Variants in AMOTL1 observed in about 807,000 individuals in gnomAD.
The protein encoded by AMOTL1 is angiomotin like 1, also known as angiomotin-like protein 1.
AMOTL1 carries 45 observed loss-of-function variants against 102.9 expected under a neutral mutation model. The observed-to-expected ratio is 0.44, with a 90% CI of 0.34 to 0.56. AMOTL1 has a LOEUF of 0.56. AMOTL1 is among the 20% of genes least tolerant of loss of function. The pLI is 0.01. For missense variants in AMOTL1, 1,114 were observed against 1,225.6 expected, an observed-to-expected ratio of 0.91 and a Z score of 1.36; for synonymous variants, 481 against 484.7, an observed-to-expected ratio of 0.99 and a Z score of 0.10.
intron 1 of AMOTL1, among the ~76,000 whole-genome samples, chr11:94,725,529 T>G (rs34167930): frequency 1.3e-5 from 2 of 152,086 alleles, no homozygotes; most frequent in Non-Finnish European, 2.9e-5. Context: ...TAAGATAGGA[T>G]CTTTACTCTC....
rs200435621 is a variant in AMOTL1 at position 94,854,089 on chromosome 11, A to T, written c.1944+7A>T. 1.6e-5 allele frequency: 24 copies of T among 1,538,080 alleles called. No individual in the cohort carries two copies. Among genetic ancestry groups the T allele is most frequent in the Non-Finnish European group, 1.9e-5 (22 of 1,138,838 alleles). On this transcript the variant is annotated splice_region_variant and intron_variant, in intron 8 of 12. Coordinates refer to ENST00000433060, the MANE Select transcript of AMOTL1 (RefSeq NM_130847.3). Reference sequence around the variant, plus strand: ...TGCACTGAGAACCCAGCAGGTAAGGAACTGGGCATGGACTGGTGAAAGAAT... The same window carrying T: ...TGCACTGAGAACCCAGCAGGTAAGGTACTGGGCATGGACTGGTGAAAGAAT...
At chr11:94,707,240 C>CTGTGTG (rs1334149987) in intron 1 of AMOTL1, among the ~76,000 whole-genome samples, 9 of 86,904 alleles carry the variant, frequency 1.0e-4, no homozygotes, top group Non-Finnish European at 2.0e-4. Context: ...CTCTCTCTCT[C>CTGTGTG]TCTCTCTCTC....
intron 8 of AMOTL1, among the ~76,000 whole-genome samples, chr11:94,857,853 TGTC>T (rs1300581315): frequency 6.6e-6 from 1 of 152,120 alleles, no homozygotes; most frequent in East Asian, 1.9e-4. Context: ...AGTCAATACT[TGTC>T]GTCTAGATGG....
chr11:94,789,454 C>G (rs116638409), intron 1 of AMOTL1, among the ~76,000 whole-genome samples: 1 of 152,198 alleles, frequency 6.6e-6, no homozygotes, highest in Non-Finnish European at 1.5e-5. Flanking sequence ...CCACCGTGCC[C>G]GGCACTGTTT....
chr11:94,854,117 G>A, intron 8 of AMOTL1, 35 bp downstream of exon 8: 1 of 1,494,186 alleles, frequency 6.7e-7, no homozygotes, highest in Non-Finnish European at 9.0e-7. Flanking sequence ...GAAAGAATTA[G>A]ATATGTTCAC....
chr11:94,831,386 T>A, intron 5 of AMOTL1, 66 bp from the exon 6 acceptor site: 1 of 1,342,176 alleles, frequency 7.5e-7, no homozygotes, highest in South Asian at 1.3e-5. Flanking sequence ...CATATTTCAT[T>A]TCTTGGTTAG....
At position 94,783,606 on chromosome 11, in the gene AMOTL1, C is replaced by T. The variant is rs76819326; in HGVS notation, c.50-11405C>T. ...AGAGGAGAAAGAAGTAGGTATAGCC[C>T]CAAGCACAGTTCTAGATCCTGTGTG... On this transcript the variant is annotated intron_variant, in intron 1 of 12. Transcript: ENST00000433060. Among the ~76,000 whole-genome samples, 688 of 152,254 alleles carry T rather than the reference C, an allele frequency of 4.5e-3. 5 individuals are homozygous for T. The highest frequency in any genetic ancestry group is 0.016 in the African/African-American group (666 of 41,544).
upstream of AMOTL1, among the ~76,000 whole-genome samples, chr11:94,765,110 G>A (rs1009780156): frequency 8.5e-5 from 13 of 152,136 alleles, no homozygotes; most frequent in East Asian, 1.9e-4. Flanking sequence ...GTGAAAGACT[G>A]CTCTCTGGGC....
At position 94,831,436 on chromosome 11, in the gene AMOTL1, T is replaced by C. The variant is rs971277744; in HGVS notation, c.1559-16T>C. 1.9e-6 allele frequency: 3 copies of C among 1,594,744 alleles called. No individual in the cohort carries two copies. Among genetic ancestry groups the C allele is most frequent in the East Asian group, 2.2e-5 (1 of 44,802 alleles). On this transcript the variant is annotated splice_polypyrimidine_tract_variant and intron_variant, in intron 5 of 12. Coordinates refer to ENST00000433060, the MANE Select transcript of AMOTL1 (RefSeq NM_130847.3). ...CCATATACATTTCTTTGTAATCATT[T>C]CCTCTTTGTTCATAGATCGACTAGA...
At position 94,871,074 on chromosome 11, in the gene AMOTL1, G is replaced by A. The variant is rs1347197809; in HGVS notation, c.*279G>A. ...GAAATAGGAAACTGAATTTTTCATT[G>A]TACAGAAAATGTATCTCTTGGGGAG... On this transcript the variant is annotated 3_prime_UTR_variant, in exon 13 of 13. Coordinates refer to ENST00000433060, the MANE Select transcript of AMOTL1 (RefSeq NM_130847.3). 3 of 291,530 alleles carry A rather than the reference G, an allele frequency of 1.0e-5. No individual in the cohort carries two copies. Among genetic ancestry groups the A allele is most frequent in the Admixed American group, 9.5e-5 (2 of 20,988 alleles). The allele number at this position is 291,530 out of a possible 1,614,324, so 18.1% of individuals were successfully genotyped here.
At chr11:94,729,355 G>T (rs531355886) in intron 2 of AMOTL1, among the ~76,000 whole-genome samples, 9 of 152,254 alleles carry the variant, frequency 5.9e-5, no homozygotes, top group Admixed American at 5.9e-4. Flanking sequence ...ATGAGCTCTT[G>T]CCCTGGCCAG....
Position 94,800,315 on chromosome 11 carries a change from A to G in AMOTL1, c.1121+4A>G. On this transcript the variant is annotated splice_donor_region_variant and intron_variant, in intron 3 of 12. Coordinates refer to ENST00000433060, the MANE Select transcript of AMOTL1 (RefSeq NM_130847.3). ...CCCCTGAGTATGGGGTAACGAGGTG[A>G]TTATCAACTGCAGACGTTTCGTGCG... 1.3e-6 allele frequency: 2 copies of G among 1,578,470 alleles called. No individual in the cohort carries two copies. Among genetic ancestry groups the G allele is most frequent in the Non-Finnish European group, 1.7e-6 (2 of 1,164,348 alleles).
intron 6 of AMOTL1, among the ~76,000 whole-genome samples, chr11:94,836,758 TTC>T (rs1461045260): frequency 1.5e-3 from 209 of 141,670 alleles, no homozygotes; most frequent in African/African-American, 5.0e-3. Context: ...TCTTCCTTCC[TTC>T]TTTTTTTTTT....
chr11:94,795,012 G>T lies in AMOTL1; in HGVS notation c.51G>T (p.Gly17=), dbSNP rs941994516. 4 of 1,602,034 alleles carry T rather than the reference G, an allele frequency of 2.5e-6. No individual in the cohort carries two copies. Among genetic ancestry groups the T allele is most frequent in the Non-Finnish European group, 3.4e-6 (4 of 1,176,312 alleles). ...TTCACTTCGCTTTCTTTCCCCCAGG[G>T]TCCCCTTCTGCTTGTTATAGCCCCA... The part of the protein sequence containing the change: ...RRGTCEPAVK[G]SPSACYSPSS... Residue 17 remains glycine, a splice_region_variant and synonymous_variant, in exon 2 of 13, where the codon GGG becomes GGT. Transcript: ENST00000433060.
At chr11:94,768,850 G>C (rs1322961338) in intron 1 of AMOTL1, among the ~76,000 whole-genome samples, 1 of 151,928 alleles carries the variant, frequency 6.6e-6, no homozygotes, top group African/African-American at 2.4e-5. Flanking sequence ...CGCGGGGCTG[G>C]CCTTTCCTGA....
At chr11:94,719,424 G>T (rs1227460744) in intron 1 of AMOTL1, among the ~76,000 whole-genome samples, 2 of 151,920 alleles carry the variant, frequency 1.3e-5, no homozygotes, top group African/African-American at 4.8e-5. Flanking sequence ...TACCCTAAAA[G>T]CCCTGAATGC....
chr11:94,864,774 C>T lies in AMOTL1; in HGVS notation c.2175C>T (p.Tyr725=), dbSNP rs773589464. The T allele has an allele frequency of 5.6e-6, 9 of 1,613,630 alleles. 1 individual carries two copies. Among genetic ancestry groups the T allele is most frequent in the Admixed American group, 3.3e-5 (2 of 60,004 alleles). Residue 725 remains tyrosine, a synonymous_variant, in exon 10 of 13, where the codon TAC becomes TAT. Transcript: ENST00000433060. ...TCAACCACTCACGGAATGGCAGCTA[C>T]GGAGAGAGCTCGCTGGAGGCCCACA... ...TIINHSRNGS[Y]GESSLEAHIW... is the part of the protein sequence containing the mutation.
chr11:94,708,527 T>C (rs1193402496), intron 1 of AMOTL1, among the ~76,000 whole-genome samples: 1 of 152,202 alleles, frequency 6.6e-6, no homozygotes. Flanking sequence ...AATACCTGCT[T>C]CATTAGGTAA....
At chr11:94,832,898 A>C (rs1952102644) in intron 6 of AMOTL1, among the ~76,000 whole-genome samples, 1 of 152,260 alleles carries the variant, frequency 6.6e-6, no homozygotes, top group South Asian at 2.1e-4. Context: ...AGTTCAGGTC[A>C]AAATGGAAAA....
Sources: gnomAD v4.1 joint callset for allele counts (sites outside exome capture counted in the v4.1 genomes callset) on GRCh38, gnomAD v4.1.1 for gene constraint, MANE v1.5 for transcripts, NCBI Gene and HGNC (gene_info 2026-07-23, HGNC 2026-07-21) for gene names.